The following DZIP1L variants were observed in gnomAD, a reference collection of about 807,000 sequenced individuals.
DZIP1L encodes the protein DAZ interacting zinc finger protein 1 like, also known as cilium assembly protein DZIP1L.
Under a neutral mutation model 88.7 loss-of-function variants are expected in DZIP1L, and 90 were observed. That is an observed-to-expected ratio of 1.02 (90% confidence interval 0.86 to 1.21). The LOEUF is 1.21. Among genes scored for constraint, DZIP1L ranks in the 50% most tolerant of loss-of-function variants. The pLI is 0.00. For missense variants in DZIP1L, 932 were observed against 955.8 expected, an observed-to-expected ratio of 0.98 and a Z score of 0.33; for synonymous variants, 363 against 372.1, an observed-to-expected ratio of 0.98 and a Z score of 0.28.
At chr3:138,068,653 G>T (rs149082453) in intron 12 of DZIP1L, among the ~76,000 whole-genome samples, 23 of 152,270 alleles carry the variant, frequency 1.5e-4, no homozygotes, top group Non-Finnish European at 2.5e-4. Flanking sequence ...CGGGCCTGAA[G>T]AGGGGCTCAG....
intron 3 of DZIP1L, among the ~76,000 whole-genome samples, chr3:138,096,001 C>T (rs1944452756): frequency 6.6e-6 from 1 of 152,228 alleles, no homozygotes; most frequent in Non-Finnish European, 1.5e-5. Context: ...CTTTTTAAAG[C>T]ATATTTAGTG....
At position 138,063,603 on chromosome 3, in the gene DZIP1L, G is replaced by A. The variant is rs559426764; in HGVS notation, c.2143-626C>T. Among the ~76,000 whole-genome samples the A allele has an allele frequency of 1.3e-5, 2 of 152,236 alleles. No homozygotes were observed. Among genetic ancestry groups the A allele is most frequent in the African/African-American group, 4.8e-5 (2 of 41,458 alleles). ...CTCAGTGCCCCTGCTGGCCACCTGG[G>A]CTTTGATACAAGCCATCCTATGCAT... On this transcript the variant is annotated intron_variant, in intron 15 of 15. Transcript: ENST00000327532. This position sits in a 1 kb window ranked among gnomAD's most constrained non-coding sequence, Gnocchi z 4.1.
Position 138,103,717 on chromosome 3 carries a change from C to A in DZIP1L, c.255G>T (p.Lys85Asn). The A allele has an allele frequency of 6.2e-7, 1 of 1,613,494 alleles. No homozygotes were observed. ...TGATGAGCTGCGCCAGGCGCAGCACCTTGAGCAGTGCCGGGTCCACAGGCT... is the reference window on the plus strand; with the variant it reads ...TGATGAGCTGCGCCAGGCGCAGCACATTGAGCAGTGCCGGGTCCACAGGCT... Reference protein sequence around the residue: ...CGQPVDPALLKVLRLAQLIIE... With the variant: ...CGQPVDPALLNVLRLAQLIIE... Residue 85 changes from lysine (K) to asparagine (N), a missense_variant, in exon 2 of 16, where the codon AAG becomes AAT. Physicochemically the swap from Lys to Asn is moderately conservative, Grantham distance 94. Coordinates refer to ENST00000327532, the MANE Select transcript of DZIP1L (RefSeq NM_173543.3).
In DZIP1L at chr3:138,115,601, C is replaced by A. The variant is rs9860229; in HGVS notation, c.-355G>T. 78,918 of 152,016 alleles carry A rather than the reference C, an allele frequency of 0.52. 22,007 individuals are homozygous for A. The highest frequency in any genetic ancestry group is 0.64 in the East Asian group (3,270 of 5,136). The allele number at this position is 152,016 out of a possible 1,614,324, so 9.4% of individuals were successfully genotyped here. A position where few individuals can be genotyped will look rare whatever the true frequency, so the allele number is the denominator to read the frequency against. ...GAGCTCCTCGGTGCGTCGGTCAGCTCGTGGCTTGGGGTCTCTGGTGCCTCC... is the reference window on the plus strand; with the variant it reads ...GAGCTCCTCGGTGCGTCGGTCAGCTAGTGGCTTGGGGTCTCTGGTGCCTCC... On this transcript the variant is annotated 5_prime_UTR_variant, in exon 1 of 16. Coordinates refer to ENST00000327532, the MANE Select transcript of DZIP1L (RefSeq NM_173543.3).
rs1014315563 is a variant in DZIP1L, at chr3:138,062,021, C to T, written c.*795G>A. On this transcript the variant is annotated 3_prime_UTR_variant, in exon 16 of 16. Transcript: ENST00000327532. ...ACATTGTACTATATTTAAATGTTTG[C>T]ATATAATATATTAATGTTTTTCACA... 3 of 152,588 alleles carry T rather than the reference C, an allele frequency of 2.0e-5. No individual in the cohort carries two copies. Among genetic ancestry groups the T allele is most frequent in the South Asian group, 2.1e-4 (1 of 4,826 alleles). The allele number at this position is 152,588 out of a possible 1,614,324, so 9.5% of individuals were successfully genotyped here.
chr3:138,113,764 C>T (rs1481884134), intron 1 of DZIP1L, among the ~76,000 whole-genome samples: 1 of 152,190 alleles, frequency 6.6e-6, no homozygotes, highest in Non-Finnish European at 1.5e-5. Flanking sequence ...ACTCCTAGAA[C>T]CTTCAAGCAG....
rs372740940 is a variant in DZIP1L at position 138,097,805 on chromosome 3, G to A, written c.544C>T (p.Arg182Trp). Residue 182 changes from arginine (R) to tryptophan (W), a missense_variant, in exon 3 of 16, where the codon CGG (arginine) becomes TGG (tryptophan). Transcript: ENST00000327532. ...GCATGCCTGCGCTGGATGTGGCCCCGGAGAAAGGTGGCATTCATGAATGTC... is the reference window on the plus strand; with the variant it reads ...GCATGCCTGCGCTGGATGTGGCCCCAGAGAAAGGTGGCATTCATGAATGTC... Reference protein sequence around the residue: ...DKTFMNATFLRGHIQRRHAGV... With the variant: ...DKTFMNATFLWGHIQRRHAGV... 64 of 1,613,082 alleles carry A rather than the reference G, an allele frequency of 4.0e-5. No homozygotes were observed. Among genetic ancestry groups the A allele is most frequent in the Non-Finnish European group, 4.6e-5 (54 of 1,179,684 alleles).
chr3:138,085,409 A>T (rs1273498503), intron 7 of DZIP1L, among the ~76,000 whole-genome samples: 1 of 152,236 alleles, frequency 6.6e-6, no homozygotes, highest in Non-Finnish European at 1.5e-5. Context: ...CAAATTTACA[A>T]GAAAAAAACA....
chr3:138,102,483 G>C, intron 2 of DZIP1L: 1 of 1,380,868 alleles, frequency 7.2e-7, no homozygotes, highest in African/African-American at 1.4e-5. Flanking sequence ...GCCTAAGGTT[G>C]TTGATGTAGC....
rs1348331140 is a variant in DZIP1L at position 138,089,106 on chromosome 3, C to G, written c.871-599G>C. On this transcript the variant is annotated intron_variant, in intron 5 of 15. Transcript: ENST00000327532. The stretch of plus-strand genomic sequence containing the variant: ...TATATGACTGTCGTAGTAACAAAAG[C>G]AACATATTTCTATCTGTATGACTGT... 3.0e-6 allele frequency: 3 copies of G among 985,312 alleles called. No homozygotes were observed. In the African/African-American group the frequency reaches 5.2e-5, roughly 17 times the overall value. 61.0% of individuals were successfully genotyped at this position (985,312 alleles called of 1,614,324 possible).
intron 1 of DZIP1L, among the ~76,000 whole-genome samples, chr3:138,105,902 G>C (rs1182939684): frequency 1.3e-5 from 2 of 152,062 alleles, no homozygotes; most frequent in African/African-American, 4.8e-5. Flanking sequence ...AGCAATGGCT[G>C]CCTCTGGGAA....
rs754184830 is a variant in DZIP1L at position 138,097,761 on chromosome 3, A to C, written c.586+2T>G. 17 of 1,609,344 alleles carry C rather than the reference A, an allele frequency of 1.1e-5. No individual in the cohort carries two copies. Among genetic ancestry groups the C allele is most frequent in the Non-Finnish European group, 1.4e-5 (17 of 1,178,010 alleles). On this transcript the variant is annotated splice_donor_variant, in intron 3 of 15. Transcript: ENST00000327532. LOFTEE classifies it high-confidence loss of function. ...GGGGCCCGGGCTGCTGTCTGGACTC[A>C]CCACCTTCTGCCACGCCTGCATGCC...
chr3:138,095,116 A>G (rs1192119821), intron 3 of DZIP1L, 133 bp from the exon 4 acceptor site: 1 of 1,358,124 alleles, frequency 7.4e-7, no homozygotes, highest in Admixed American at 2.2e-5. Flanking sequence ...CATTGGGCAA[A>G]GAACATAACC....
chr3:138,077,667 G>A (rs1350286649), intron 10 of DZIP1L, 35 bp from the exon 11 acceptor site: 1 of 1,610,538 alleles, frequency 6.2e-7, no homozygotes, highest in Admixed American at 1.7e-5. Context: ...ATCAGCCTGG[G>A]CACCTGAGTT....
chr3:138,092,267 C>T (rs1291761370), intron 5 of DZIP1L, 116 bp downstream of exon 5: 9 of 1,179,700 alleles, frequency 7.6e-6, no homozygotes, highest in African/African-American at 1.6e-5. Flanking sequence ...GATAACTGGC[C>T]TCACAGTGTT....
At chr3:138,095,030 C>T in intron 3 of DZIP1L, 47 bp from the exon 4 acceptor site, 2 of 1,612,900 alleles carry the variant, frequency 1.2e-6, no homozygotes, top group Non-Finnish European at 1.7e-6. Flanking sequence ...GTCCAAAAAT[C>T]AAGGGAGTGT....
chr3:138,104,177 G>A, intron 1 of DZIP1L, 125 bp from the exon 2 acceptor site: 1 of 904,844 alleles, frequency 1.1e-6, no homozygotes, highest in Non-Finnish European at 1.6e-6. Context: ...AGCATTCATG[G>A]TGTGTGCTGA....
rs1399208588 is a variant in DZIP1L at position 138,102,072 on chromosome 3, T to A, written c.501+1399A>T. On this transcript the variant is annotated intron_variant, in intron 2 of 15. Coordinates refer to ENST00000327532, the MANE Select transcript of DZIP1L (RefSeq NM_173543.3). ...CTGCAGCTCCTCATACTTGATCTGG[T>A]ACATGCTCTCAGCCTCAGCCCAGCT... 4.7e-6 allele frequency: 7 copies of A among 1,480,764 alleles called. No homozygotes were observed. The East Asian group carries it at 1.6e-4, about 34-fold the overall frequency. The allele number at this position is 1,480,764 out of a possible 1,614,324, so 91.7% of individuals were successfully genotyped here.
rs1178722259 is a variant in DZIP1L, at chr3:138,062,672, T to A, written c.*144A>T. ...ACAGGTCAGGAGGGATGAGATCATA[T>A]CCATTCCCTGCACTGCTTCTCTCCA... On this transcript the variant is annotated 3_prime_UTR_variant, in exon 16 of 16. Transcript: ENST00000327532. 1.0e-6 allele frequency: 1 copy of A among 980,146 alleles called. No homozygotes were observed. The highest frequency in any genetic ancestry group is 1.5e-6 in the Non-Finnish European group (1 of 660,248). 60.7% of individuals were successfully genotyped at this position (980,146 alleles called of 1,614,324 possible). A position where few individuals can be genotyped will look rare whatever the true frequency, so the allele number is the denominator to read the frequency against.
Sources: allele counts gnomAD v4.1 joint callset (sites outside exome capture counted in the v4.1 genomes callset), GRCh38; gene constraint gnomAD v4.1.1; non-coding constraint Gnocchi (gnomAD v3.1); transcripts MANE v1.5; gene names NCBI Gene and HGNC (gene_info 2026-07-23, HGNC 2026-07-21).